The following GPHN variants were observed in gnomAD, a reference collection of about 807,000 sequenced individuals.
GPHN encodes the protein gephyrin.
GPHN carries 17 observed loss-of-function variants against 95.5 expected under a neutral mutation model. The observed-to-expected ratio is 0.18, with a 90% CI of 0.12 to 0.27. The LOEUF is 0.27. GPHN is among the 10% of genes least tolerant of loss of function. The pLI is 1.00. For synonymous variants in GPHN, 320 were observed against 322.5 expected (o/e 0.99, Z 0.08); for missense variants, 660 against 978.1 (o/e 0.67, Z 4.34).
intron 4 of GPHN, among the ~76,000 whole-genome samples, chr14:66,853,173 T>C (rs1222799583): frequency 2.6e-5 from 4 of 152,226 alleles, no homozygotes; most frequent in African/African-American, 9.6e-5. Context: ...GATTTTATTG[T>C]AGATTTTTAA....
Position 66,954,336 on chromosome 14 carries a change from GTTT to G in GPHN, c.829-10853_829-10851del. On this transcript the variant is annotated intron_variant, in intron 8 of 22. Coordinates refer to ENST00000478722, the MANE Select transcript of GPHN (RefSeq NM_020806.5). ...ATGTTTTGTAATTTTTGATATACAG[GTTT>G]TATAATTTCTTGGTTAAATTTACTC... is the stretch of plus-strand genomic sequence containing the variant. 2.0e-5 allele frequency among the ~76,000 whole-genome samples: 3 copies of G among 152,086 alleles called. No homozygotes were observed. In the South Asian group the frequency reaches 6.2e-4, roughly 32 times the overall value.
chr14:66,548,353 G>A (rs1448549060), intron 1 of GPHN, among the ~76,000 whole-genome samples: 1 of 151,782 alleles, frequency 6.6e-6, no homozygotes, highest in Non-Finnish European at 1.5e-5. Flanking sequence ...GCTAATTTTT[G>A]TATTTTTAGT....
the GPHN span, among the ~76,000 whole-genome samples, chr14:67,226,166 T>C: frequency 2.0e-5 from 3 of 152,114 alleles, no homozygotes; most frequent in Non-Finnish European, 4.4e-5. Flanking sequence ...CACTTGAGCA[T>C]TTTGTTTATT....
intron 4 of GPHN, among the ~76,000 whole-genome samples, chr14:66,854,441 G>A (rs993458664): frequency 2.0e-5 from 3 of 152,158 alleles, no homozygotes. Context: ...TCCATAAATG[G>A]GGGGATTATC....
chr14:67,362,806 A>G, the GPHN span, among the ~76,000 whole-genome samples: 4 of 152,220 alleles, frequency 2.6e-5, no homozygotes, highest in Admixed American at 2.6e-4. Context: ...AAAATTGTCA[A>G]CCAATATGCA....
At chr14:66,787,472 A>T (rs747226943) in intron 3 of GPHN, among the ~76,000 whole-genome samples, 1 of 152,210 alleles carries the variant, frequency 6.6e-6, no homozygotes, top group Non-Finnish European at 1.5e-5. Context: ...CTATAAAATT[A>T]TATAAATTCA....
the GPHN span, chr14:67,381,729 A>C: frequency 5.4e-5 from 74 of 1,364,990 alleles, no homozygotes; most frequent in Non-Finnish European, 7.1e-5. Context: ...TGAAATGCTC[A>C]CCTAAACCAA....
chr14:67,147,572 T>G (rs369149339), intron 18 of GPHN, among the ~76,000 whole-genome samples: 1 of 152,212 alleles, frequency 6.6e-6, no homozygotes, highest in Non-Finnish European at 1.5e-5. Context: ...AGTCTCACTC[T>G]GTCACCCAGG....
chr14:67,128,989 T>C (rs752508345), intron 17 of GPHN, among the ~76,000 whole-genome samples: 6 of 151,644 alleles, frequency 4.0e-5, no homozygotes, highest in Non-Finnish European at 7.4e-5. Context: ...TAATTTCGTA[T>C]TTTTAGTAAA....
the GPHN span, chr14:67,272,014 T>C: frequency 6.7e-6 from 1 of 148,806 alleles, no homozygotes; most frequent in Non-Finnish European, 1.5e-5. Context: ...GAGTTTGCAG[T>C]GAGCCGGGAT....
the GPHN span, among the ~76,000 whole-genome samples, chr14:67,508,482 T>G: frequency 6.6e-6 from 1 of 152,100 alleles, no homozygotes; most frequent in Non-Finnish European, 1.5e-5. Context: ...CCTGACCCCT[T>G]GCACACTGTT....
intron 4 of GPHN, among the ~76,000 whole-genome samples, chr14:66,842,525 T>C (rs1236733734): frequency 6.6e-6 from 1 of 152,138 alleles, no homozygotes; most frequent in African/African-American, 2.4e-5. Context: ...CCTAAACTTT[T>C]CCCATAACTC....
chr14:66,672,729 C>T (rs2066366221), intron 1 of GPHN, among the ~76,000 whole-genome samples: 1 of 152,190 alleles, frequency 6.6e-6, no homozygotes, highest in Non-Finnish European at 1.5e-5. Context: ...GCTACCTTCA[C>T]TTTCTTTTGA....
At chr14:67,397,142 T>C in the GPHN span, among the ~76,000 whole-genome samples, 3 of 152,196 alleles carry the variant, frequency 2.0e-5, no homozygotes, top group Admixed American at 1.3e-4. Context: ...TTTCACCATG[T>C]TGGCCAGGCT....
chr14:67,160,828 T>C lies in GPHN; in HGVS notation c.1910+1340T>C, dbSNP rs115628538. On this transcript the variant is annotated intron_variant, in intron 19 of 22. Transcript: ENST00000478722. ...TAAGTACCTCATGTCAGTTCTAGGATAGAGATCAGGCTTTACCTCCACGAT... is the reference window on the plus strand; with the variant it reads ...TAAGTACCTCATGTCAGTTCTAGGACAGAGATCAGGCTTTACCTCCACGAT... Among the ~76,000 whole-genome samples the C allele has an allele frequency of 5.3e-3, 814 of 152,326 alleles. 13 individuals are homozygous for C. The highest frequency in any genetic ancestry group is 0.019 in the African/African-American group (776 of 41,566).
rs187098798 is a variant in GPHN at position 66,604,223 on chromosome 14, A to G, written c.65-76884A>G. 8.6e-4 allele frequency among the ~76,000 whole-genome samples: 131 copies of G among 152,260 alleles called. 1 individual carries two copies. The highest frequency in any genetic ancestry group is 7.5e-3 in the South Asian group (36 of 4,828). ...GGTGGTAGTATCATGATTGATTTGT[A>G]GGAACTCTGTTACTGGCACCTGCAT... On this transcript the variant is annotated intron_variant, in intron 1 of 22. Coordinates refer to ENST00000478722, the MANE Select transcript of GPHN (RefSeq NM_020806.5).
intron 2 of GPHN, among the ~76,000 whole-genome samples, chr14:66,688,644 C>T (rs10147871): frequency 0.31 from 47,321 of 151,946 alleles, 11,193 homozygotes; most frequent in African/African-American, 0.64. Context: ...GGGAGATGAA[C>T]GGGAACAAAT....
At chr14:66,814,157 C>A (rs1472320426) in intron 3 of GPHN, among the ~76,000 whole-genome samples, 1 of 152,164 alleles carries the variant, frequency 6.6e-6, no homozygotes, top group Non-Finnish European at 1.5e-5. Context: ...TGGCAAGTCT[C>A]ACTCCTGCCA....
the GPHN span, among the ~76,000 whole-genome samples, chr14:67,527,906 G>A: frequency 6.6e-6 from 1 of 152,306 alleles, no homozygotes; most frequent in East Asian, 1.9e-4. Context: ...CGAAAGTAGT[G>A]GCTTTGAGGA....
Sources: gnomAD v4.1 joint callset for allele counts (sites outside exome capture counted in the v4.1 genomes callset) on GRCh38, gnomAD v4.1.1 for gene constraint, MANE v1.5 for transcripts, NCBI Gene and HGNC (gene_info 2026-07-23, HGNC 2026-07-21) for gene names.